Variants in CD72 observed in about 807,000 individuals in gnomAD.
The protein encoded by CD72 is CD72 molecule.
Under a neutral mutation model 50.7 loss-of-function variants are expected in CD72, and 28 were observed. The ratio of observed to expected loss-of-function variants is 0.55; its 90% CI spans 0.41 to 0.76. The LOEUF (loss-of-function observed/expected upper bound fraction) is 0.76, where lower values mean the gene tolerates loss of function less well. CD72 is among the 30% of genes least tolerant of loss of function. The probability of loss-of-function intolerance (pLI) is 0.00; values close to 1 mark genes in which losing one functional copy is unlikely to be tolerated. For missense variants in CD72, 403 were observed against 420.6 expected (o/e 0.96, Z 0.37); for synonymous variants, 176 against 171.2 (o/e 1.03, Z -0.22).
intron 1 of CD72, among the ~76,000 whole-genome samples, chr9:35,640,726 G>A (rs1587909940): frequency 6.6e-6 from 1 of 152,206 alleles, no homozygotes; most frequent in South Asian, 2.1e-4. Flanking sequence ...AGCTCAGCTC[G>A]AGCCGTAACA....
rs372328184 is a variant in CD72 at position 35,627,831 on chromosome 9, CTT to C, written n.409-9712_409-9711del. Among the ~76,000 whole-genome samples the C allele has an allele frequency of 3.3e-3, 492 of 149,316 alleles. 2 individuals carry two copies. The highest frequency in any genetic ancestry group is 4.6e-3 in the African/African-American group (186 of 40,678). On this transcript the variant is annotated intron_variant and non_coding_transcript_variant, in intron 1 of 3. Coordinates refer to the CD72 transcript ENST00000465754. ...GCTCCTATGATAAGTTTTTGTACCT[CTT>C]TTTTTTTTCTTTTTTAATCAGAGTC... is the stretch of plus-strand genomic sequence containing the variant.
chr9:35,631,255 T>C (rs749344932), intron 1 of CD72, among the ~76,000 whole-genome samples: 2 of 152,174 alleles, frequency 1.3e-5, no homozygotes, highest in Non-Finnish European at 2.9e-5. Context: ...GGTACAATCA[T>C]GTCAGCAGCA....
upstream of CD72, among the ~76,000 whole-genome samples, chr9:35,619,822 C>T (rs1156812506): frequency 2.6e-5 from 4 of 152,130 alleles, no homozygotes; most frequent in South Asian, 2.1e-4. Context: ...CAGAGAATGA[C>T]GGGTCATTTT....
intron 1 of CD72, among the ~76,000 whole-genome samples, chr9:35,640,110 T>C (rs933499638): frequency 7.2e-5 from 11 of 152,400 alleles, no homozygotes; most frequent in African/African-American, 2.4e-4. Context: ...GACATTTTTC[T>C]GTTTCAACCA....
intron 6 of CD72, 140 bp from the exon 7 acceptor site, chr9:35,612,059 A>G (rs932541783): frequency 3.3e-5 from 20 of 598,882 alleles, no homozygotes; most frequent in Non-Finnish European, 5.7e-5. Flanking sequence ...CCCTGAATCC[A>G]TCAAGTGCCA....
At chr9:35,637,725 T>G (rs894913495) in intron 1 of CD72, among the ~76,000 whole-genome samples, 1 of 152,120 alleles carries the variant, frequency 6.6e-6, no homozygotes, top group Non-Finnish European at 1.5e-5. Context: ...TCACCCACAT[T>G]TCATTGGTGT....
intron 3 of CD72, chr9:35,616,896 G>A (rs1315493665): frequency 3.4e-6 from 4 of 1,184,050 alleles, no homozygotes; most frequent in African/African-American, 1.5e-5. Context: ...AGTGCTGGTG[G>A]GGACTCGGGG....
At chr9:35,641,796 C>T (rs1158943965) in intron 1 of CD72, among the ~76,000 whole-genome samples, 1 of 151,998 alleles carries the variant, frequency 6.6e-6, no homozygotes, top group Admixed American at 6.6e-5. Context: ...TGTGGTGACC[C>T]CGGCAGTGTA....
intron 3 of CD72, 139 bp from the exon 4 acceptor site, chr9:35,616,828 G>T: frequency 1.0e-6 from 1 of 995,052 alleles, no homozygotes; most frequent in South Asian, 1.4e-5. Flanking sequence ...GGCAAGCATG[G>T]TGGTTTCTGT....
chr9:35,623,114 A>G (rs1420752010), upstream of CD72, among the ~76,000 whole-genome samples: 2 of 152,242 alleles, frequency 1.3e-5, no homozygotes, highest in Non-Finnish European at 2.9e-5. Context: ...CAAAAAATAA[A>G]TGAATCAAAA....
rs147140367 is a variant in CD72, at chr9:35,625,240, G to A, written n.409-7119C>T. On this transcript the variant is annotated intron_variant and non_coding_transcript_variant, in intron 1 of 3. Coordinates refer to the CD72 transcript ENST00000465754. The stretch of plus-strand genomic sequence containing the variant: ...TAAAAGAGCTACTCCAGTGAACACA[G>A]AAATGATAAGAAAGCAAAACAGTCT... Among the ~76,000 whole-genome samples, 299 of 152,342 alleles carry A rather than the reference G, an allele frequency of 2.0e-3. 2 individuals carry two copies. Among genetic ancestry groups the A allele is most frequent in the African/African-American group, 6.9e-3 (287 of 41,594 alleles).
chr9:35,629,474 T>A (rs1387782306), intron 1 of CD72, among the ~76,000 whole-genome samples: 1 of 152,222 alleles, frequency 6.6e-6, no homozygotes, highest in African/African-American at 2.4e-5. Flanking sequence ...CACACATACA[T>A]ATTTTTTCAA....
At position 35,611,939 on chromosome 9, in the gene CD72, G is replaced by T; in HGVS notation, c.835-20C>A. The T allele has an allele frequency of 1.6e-6, 2 of 1,224,574 alleles. No individual in the cohort carries two copies. Among genetic ancestry groups the T allele is most frequent in the South Asian group, 1.2e-5 (1 of 83,184 alleles). The allele number at this position is 1,224,574 out of a possible 1,614,324, so 75.9% of individuals were successfully genotyped here. On this transcript the variant is annotated intron_variant, in intron 6 of 8. Transcript: ENST00000259633. ...AGAGTGCTGAGGGGAGATTCAGAGA[G>T]ACCAGAGATACATGGAGAGTGATGA...
At chr9:35,640,214 T>C (rs567318607) in intron 1 of CD72, among the ~76,000 whole-genome samples, 1 of 152,394 alleles carries the variant, frequency 6.6e-6, no homozygotes, top group Admixed American at 6.5e-5. Flanking sequence ...AAATCTTCTC[T>C]TCAGATTCCA....
chr9:35,612,585 A>C (rs76197142), intron 6 of CD72, among the ~76,000 whole-genome samples: 1 of 132,952 alleles, frequency 7.5e-6, no homozygotes, highest in African/African-American at 3.0e-5. Context: ...ACTCTGTCTC[A>C]AAAAAAAAAA....
intron 1 of CD72, among the ~76,000 whole-genome samples, chr9:35,625,813 G>C (rs1437209182): frequency 6.6e-6 from 1 of 152,080 alleles, no homozygotes; most frequent in Admixed American, 6.6e-5. Flanking sequence ...CTCTATACAT[G>C]GAAGAACAAA....
chr9:35,645,485 G>A (rs1044387980), intron 1 of CD72, among the ~76,000 whole-genome samples: 4 of 152,080 alleles, frequency 2.6e-5, no homozygotes, highest in African/African-American at 9.7e-5. Flanking sequence ...GGGAGGCTGA[G>A]GCAGGAGAAT....
At chr9:35,621,180 T>C (rs943794952), upstream of CD72, among the ~76,000 whole-genome samples, 4 of 152,216 alleles carry the variant, frequency 2.6e-5, no homozygotes, top group South Asian at 2.1e-4. Flanking sequence ...GGGTCAGTGC[T>C]GTACATTTCA....
At chr9:35,641,470 T>G (rs556340475) in intron 1 of CD72, among the ~76,000 whole-genome samples, 1 of 152,318 alleles carries the variant, frequency 6.6e-6, no homozygotes, top group African/African-American at 2.4e-5. Flanking sequence ...AAATAATAAT[T>G]TGGCCATCTG....
Sources: allele counts gnomAD v4.1 joint callset (sites outside exome capture counted in the v4.1 genomes callset), GRCh38; gene constraint gnomAD v4.1.1; transcripts MANE v1.5; gene names NCBI Gene and HGNC (gene_info 2026-07-23, HGNC 2026-07-21).